The following SENP6 variants were observed in gnomAD, a reference collection of about 807,000 sequenced individuals.
SENP6 encodes the protein SUMO specific peptidase 6, also known as sentrin-specific protease 6.
A neutral mutation model predicts 134.5 loss-of-function variants in SENP6; 41 were observed. The observed-to-expected ratio is 0.30, with a 90% CI of 0.24 to 0.40. The LOEUF (loss-of-function observed/expected upper bound fraction) is 0.40. Among genes scored for constraint, SENP6 ranks in the 10% least tolerant of loss-of-function variants. The probability of loss-of-function intolerance (pLI) is 1.00; values close to 1 mark genes in which losing one functional copy is unlikely to be tolerated. For synonymous variants in SENP6, 395 were observed against 429.8 expected (o/e 0.92, Z 1.00); for missense variants, 1,248 against 1,312.5 (o/e 0.95, Z 0.76).
At chr6:75,707,896 C>G (rs972154385) in intron 19 of SENP6, among the ~76,000 whole-genome samples, 1 of 151,938 alleles carries the variant, frequency 6.6e-6, no homozygotes, top group Non-Finnish European at 1.5e-5. Context: ...ACTATGTTGC[C>G]CAGGTGATCC....
chr6:75,683,556 C>T (rs557752180), intron 16 of SENP6, among the ~76,000 whole-genome samples: 2 of 152,284 alleles, frequency 1.3e-5, no homozygotes, highest in South Asian at 2.1e-4. Flanking sequence ...TTTAATCCAT[C>T]TTGAATTAGT....
intron 16 of SENP6, among the ~76,000 whole-genome samples, chr6:75,682,445 G>A (rs1347984629): frequency 1.3e-5 from 2 of 150,896 alleles, no homozygotes; most frequent in African/African-American, 2.4e-5. Context: ...TATGGTACAT[G>A]TGCACAACAT....
chr6:75,611,751 G>C (rs945428181), intron 1 of SENP6: 4 of 152,154 alleles, frequency 2.6e-5, no homozygotes, highest in Admixed American at 6.6e-5. Flanking sequence ...CTTTGGAATA[G>C]GTATCATTGC....
chr6:75,666,415 T>A (rs1772251042), intron 9 of SENP6, among the ~76,000 whole-genome samples: 1 of 150,660 alleles, frequency 6.6e-6, no homozygotes, highest in Non-Finnish European at 1.5e-5. Flanking sequence ...TTCTTGTAAC[T>A]TGCTGATATT....
At position 75,602,679 on chromosome 6, in the gene SENP6, G is replaced by C. The variant is rs1245968635; in HGVS notation, c.52+103G>C. On this transcript the variant is annotated intron_variant, in intron 1 of 23. Transcript: ENST00000447266. ...GTTATCTGCGCTGGGTGGGTTTCGG[G>C]GGCGGTGAAGTACGAGGGATGAGCG... The C allele has an allele frequency of 1.8e-5, 22 of 1,198,902 alleles. No homozygotes were observed. In the Admixed American group the frequency reaches 4.6e-4, roughly 25 times the overall value. The allele number at this position is 1,198,902 out of a possible 1,614,324, so 74.3% of individuals were successfully genotyped here. A position where few individuals can be genotyped will look rare whatever the true frequency, so the allele number is the denominator to read the frequency against.
chr6:75,653,174 G>T (rs1438944145), intron 7 of SENP6, among the ~76,000 whole-genome samples: 4 of 152,160 alleles, frequency 2.6e-5, no homozygotes, highest in Non-Finnish European at 4.4e-5. Context: ...GGGATTACAG[G>T]CCTGGGCCAG....
intron 23 of SENP6, 128 bp downstream of exon 23, chr6:75,713,953 A>AC: frequency 1.4e-6 from 1 of 727,522 alleles, no homozygotes; most frequent in Non-Finnish European, 2.1e-6. Flanking sequence ...AAATTATTCC[A>AC]TGGAGCAAAA....
intron 3 of SENP6, among the ~76,000 whole-genome samples, chr6:75,631,515 T>G (rs987046223): frequency 6.6e-6 from 1 of 152,224 alleles, no homozygotes; most frequent in Admixed American, 6.5e-5. Context: ...GTCTATTGTC[T>G]GTTAGCTACA....
intron 10 of SENP6, among the ~76,000 whole-genome samples, chr6:75,669,755 A>G (rs1772522588): frequency 6.6e-6 from 1 of 152,214 alleles, no homozygotes; most frequent in African/African-American, 2.4e-5. Context: ...CTTGCTTTCT[A>G]AAGAATTACT....
In SENP6 at chr6:75,716,241, A is replaced by G. The variant is rs1379188867; in HGVS notation, c.*647A>G. On this transcript the variant is annotated 3_prime_UTR_variant, in exon 24 of 24. Transcript: ENST00000447266. ...TCAAAAAAAGTAACCTTATACTACTAAAAAAAAAATTCTTGCATATATTAT... is the reference window on the plus strand; with the variant it reads ...TCAAAAAAAGTAACCTTATACTACTGAAAAAAAAATTCTTGCATATATTAT... 2 of 149,832 alleles carry G rather than the reference A, an allele frequency of 1.3e-5. No homozygotes were observed. Among genetic ancestry groups the G allele is most frequent in the African/African-American group, 2.4e-5 (1 of 41,060 alleles). The allele number at this position is 149,832 out of a possible 1,614,324, so 9.3% of individuals were successfully genotyped here.
At chr6:75,606,997 G>A (rs766743372) in intron 1 of SENP6, among the ~76,000 whole-genome samples, 3 of 152,116 alleles carry the variant, frequency 2.0e-5, no homozygotes, top group Non-Finnish European at 2.9e-5. Context: ...GACAATAATG[G>A]TGTCAGATAG....
chr6:75,693,409 T>TAAAAAAAA, intron 16 of SENP6, among the ~76,000 whole-genome samples: 1 of 123,996 alleles, frequency 8.1e-6, no homozygotes, highest in Non-Finnish European at 1.7e-5. Flanking sequence ...GTCTGAAATT[T>TAAAAAAAA]AAAAAAAAAA....
At chr6:75,670,799 A>C in intron 11 of SENP6, 79 bp downstream of exon 11, 1 of 711,474 alleles carries the variant, frequency 1.4e-6, no homozygotes, top group Non-Finnish European at 1.9e-6. Flanking sequence ...ATAATATTTA[A>C]AATTTATAAG....
rs1373843158 is a variant in SENP6 at position 75,699,359 on chromosome 6, T to TC, written c.2288+1842_2288+1843insC. 2.6e-5 allele frequency among the ~76,000 whole-genome samples: 3 copies of TC among 115,854 alleles called. 1 individual carries two copies. The allele number at this position is 115,854 out of a possible 152,430, so 76.0% of individuals were successfully genotyped here. A position where few individuals can be genotyped will look rare whatever the true frequency, so the allele number is the denominator to read the frequency against. ...AGAGCTTGTTTTTGTTTTTGCTTTT[T>TC]TTTTTTTTTTTTTTTGAAGAGACAA... On this transcript the variant is annotated intron_variant, in intron 18 of 23. Coordinates refer to ENST00000447266, the MANE Select transcript of SENP6 (RefSeq NM_015571.4).
At chr6:75,658,515 A>T (rs1771516032) in intron 7 of SENP6, among the ~76,000 whole-genome samples, 1 of 152,126 alleles carries the variant, frequency 6.6e-6, no homozygotes, top group South Asian at 2.1e-4. Context: ...TTGCTGATAA[A>T]GTCAGATTAT....
intron 6 of SENP6, among the ~76,000 whole-genome samples, 184 bp downstream of exon 6, chr6:75,640,888 G>A (rs1283390449): frequency 2.0e-5 from 3 of 151,938 alleles, no homozygotes; most frequent in African/African-American, 7.3e-5. Context: ...ATCAATACAG[G>A]TATACAATGT....
At chr6:75,622,145 T>G (rs938667742) in intron 2 of SENP6, among the ~76,000 whole-genome samples, 3 of 152,236 alleles carry the variant, frequency 2.0e-5, no homozygotes, top group Non-Finnish European at 2.9e-5. Flanking sequence ...AGACAGAAGT[T>G]AAGCAAAGTG....
At chr6:75,647,520 A>G (rs960049016) in intron 6 of SENP6, 16 of 349,166 alleles carry the variant, frequency 4.6e-5, no homozygotes, top group African/African-American at 3.4e-4. Context: ...TTATTTATTA[A>G]TTTGTTTTTA....
intron 6 of SENP6, chr6:75,644,250 A>G (rs980522689): frequency 6.6e-6 from 1 of 152,062 alleles, no homozygotes. Flanking sequence ...CATCAAAGGG[A>G]AACGGGAGCC....
Sources: allele counts gnomAD v4.1 joint callset (sites outside exome capture counted in the v4.1 genomes callset), GRCh38; gene constraint gnomAD v4.1.1; transcripts MANE v1.5; gene names NCBI Gene and HGNC (gene_info 2026-07-23, HGNC 2026-07-21).